NDEL1: variants seen among roughly 807,000 people sequenced by gnomAD.
NDEL1 encodes nudE neurodevelopment protein 1 like 1.
A neutral mutation model predicts 45.7 loss-of-function variants in NDEL1; 9 were observed. The ratio of observed to expected loss-of-function variants is 0.20; its 90% CI spans 0.12 to 0.34. The LOEUF (loss-of-function observed/expected upper bound fraction) is 0.34. NDEL1 is among the 10% of genes least tolerant of loss of function. The pLI is 1.00. For missense variants in NDEL1, 306 were observed against 406.2 expected, an observed-to-expected ratio of 0.75 and a Z score of 2.12; for synonymous variants, 133 against 158.6, an observed-to-expected ratio of 0.84 and a Z score of 1.21.
At chr17:8,460,454 G>A (rs2076187032) in intron 8 of NDEL1, among the ~76,000 whole-genome samples, 1 of 152,162 alleles carries the variant, frequency 6.6e-6, no homozygotes, top group Non-Finnish European at 1.5e-5. Context: ...TGTTCTCCAG[G>A]TGCTTACAGG....
At chr17:8,419,916 T>C (rs896269423) in intron 1 of NDEL1, among the ~76,000 whole-genome samples, 1 of 151,964 alleles carries the variant, frequency 6.6e-6, no homozygotes, top group African/African-American at 2.4e-5. Context: ...CAAGAAGGAA[T>C]GAGGAGAATA....
At chr17:8,440,207 A>G (rs992597094) in intron 1 of NDEL1, among the ~76,000 whole-genome samples, 1 of 152,208 alleles carries the variant, frequency 6.6e-6, no homozygotes, top group African/African-American at 2.4e-5. Flanking sequence ...TTCAATTCAC[A>G]TGAGATTCAG....
chr17:8,459,968 A>G (rs758574933), intron 7 of NDEL1, 41 bp from the exon 8 acceptor site: 6 of 1,577,302 alleles, frequency 3.8e-6, no homozygotes, highest in Middle Eastern at 1.7e-4. Context: ...ATGTGCAGCT[A>G]CTGTTTTGAC....
chr17:8,433,294 T>C (rs1273882221), upstream of NDEL1, among the ~76,000 whole-genome samples: 2 of 152,200 alleles, frequency 1.3e-5, no homozygotes, highest in African/African-American at 4.8e-5. Context: ...TGCTGGCTAT[T>C]GTTTCTGCTG....
chr17:8,470,935 G>C (rs1567748858), downstream of NDEL1, among the ~76,000 whole-genome samples: 12 of 152,316 alleles, frequency 7.9e-5, no homozygotes, highest in Admixed American at 5.2e-4. This position sits in a 1 kb window ranked among gnomAD's most constrained non-coding sequence, Gnocchi z 4.2. Flanking sequence ...TCTCCTGAGA[G>C]CCAAGGTGGA....
chr17:8,440,455 A>G (rs1482163768), intron 1 of NDEL1, among the ~76,000 whole-genome samples: 2 of 151,990 alleles, frequency 1.3e-5, no homozygotes, highest in Admixed American at 6.5e-5. Flanking sequence ...CAGAGGTTGC[A>G]GTGAACTAGG....
Position 8,467,290 on chromosome 17 carries a change from G to A in NDEL1, c.*267G>A, listed in dbSNP as rs1014608078. 2.5e-5 allele frequency: 14 copies of A among 568,480 alleles called. No individual in the cohort carries two copies. The highest frequency in any genetic ancestry group is 2.4e-4 in the Admixed American group (7 of 29,610). The allele number at this position is 568,480 out of a possible 1,614,324, so 35.2% of individuals were successfully genotyped here. ...TTGTGGGTCGCAAGGTGATACATAC[G>A]TGTATTACTTGGTCACTGGATGCAG... On this transcript the variant is annotated 3_prime_UTR_variant, in exon 9 of 9. Transcript: ENST00000334527. The surrounding 1 kb of genome is among the most constrained non-coding windows in gnomAD (Gnocchi z 6.3).
intron 1 of NDEL1, among the ~76,000 whole-genome samples, chr17:8,438,853 A>G (rs1909530303): frequency 6.6e-6 from 1 of 151,792 alleles, no homozygotes; most frequent in East Asian, 1.9e-4. Flanking sequence ...CTGATGGGTA[A>G]AAGTAGGGCA....
rs1231365218 is a variant in NDEL1, at chr17:8,466,799, G to A, written c.945-131G>A. ...CTTTCCAGGCAGCCAGTGCCCCTTG[G>A]GCCATCAGGACCCTACAGCCTGCGA... On this transcript the variant is annotated intron_variant, in intron 8 of 8. Transcript: ENST00000334527. The A allele has an allele frequency of 9.4e-6, 8 of 851,150 alleles. No homozygotes were observed. The African/African-American group carries it at 1.2e-4, about 13-fold the overall frequency. 52.7% of individuals were successfully genotyped at this position (851,150 alleles called of 1,614,324 possible). A position where few individuals can be genotyped will look rare whatever the true frequency, so the allele number is the denominator to read the frequency against.
chr17:8,423,367 A>G (rs1254378119), intron 1 of NDEL1, among the ~76,000 whole-genome samples: 3 of 152,104 alleles, frequency 2.0e-5, no homozygotes, highest in Non-Finnish European at 4.4e-5. Context: ...CTTACACTGG[A>G]GAGCCAGTAT....
upstream of NDEL1, chr17:8,435,814 A>G (rs568368642): frequency 2.4e-3 from 1,026 of 434,984 alleles, 1 homozygote; most frequent in Non-Finnish European, 3.8e-3. Context: ...CGCCCCGCAT[A>G]CCCGTGCGCT....
chr17:8,426,609 A>G (rs1908838648), intron 1 of NDEL1, among the ~76,000 whole-genome samples: 1 of 152,040 alleles, frequency 6.6e-6, no homozygotes, highest in Non-Finnish European at 1.5e-5. Context: ...CGTGGTCGGG[A>G]TGAGAGCCAA....
chr17:8,428,818 C>G (rs1219246333), intron 1 of NDEL1, among the ~76,000 whole-genome samples: 1 of 152,020 alleles, frequency 6.6e-6, no homozygotes, highest in African/African-American at 2.4e-5. Context: ...GGACTACGGG[C>G]TCCTGCCACC....
chr17:8,446,004 T>A (rs1052003230), intron 3 of NDEL1, 140 bp downstream of exon 3: 1 of 872,582 alleles, frequency 1.1e-6, no homozygotes, highest in African/African-American at 1.8e-5. Context: ...GAATAAAATG[T>A]TTTCTTTCAC....
At chr17:8,447,037 G>C in intron 4 of NDEL1, 135 bp downstream of exon 4, 1 of 1,070,268 alleles carries the variant, frequency 9.3e-7, no homozygotes, top group Non-Finnish European at 1.3e-6. Context: ...GTAACTCATC[G>C]GACGGAAGGG....
intron 6 of NDEL1, among the ~76,000 whole-genome samples, chr17:8,452,117 A>T (rs1910542520): frequency 6.6e-6 from 1 of 152,196 alleles, no homozygotes; most frequent in Non-Finnish European, 1.5e-5. Context: ...ACTGCTGAGG[A>T]CAAAGGGCAG....
At chr17:8,466,654 C>A in intron 8 of NDEL1, 1 of 442,486 alleles carries the variant, frequency 2.3e-6, no homozygotes, top group Middle Eastern at 5.5e-4. Flanking sequence ...TTTAGACCTG[C>A]TTTATGGGGA....
downstream of NDEL1, among the ~76,000 whole-genome samples, chr17:8,472,101 G>A (rs1911849142): frequency 1.3e-5 from 2 of 152,102 alleles, no homozygotes; most frequent in African/African-American, 4.8e-5. Flanking sequence ...GGTGTGGTTT[G>A]ACAACAGTGA....
At chr17:8,419,199 T>C (rs1023768128) in intron 1 of NDEL1, among the ~76,000 whole-genome samples, 1 of 152,098 alleles carries the variant, frequency 6.6e-6, no homozygotes, top group East Asian at 1.9e-4. Context: ...CTTCAGAAAA[T>C]AGTGATTCTT....
Sources: allele counts gnomAD v4.1 joint callset (sites outside exome capture counted in the v4.1 genomes callset), GRCh38; gene constraint gnomAD v4.1.1; non-coding constraint Gnocchi (gnomAD v3.1); transcripts MANE v1.5; gene names NCBI Gene and HGNC (gene_info 2026-07-23, HGNC 2026-07-21).